ZNF326: variants seen among roughly 807,000 people sequenced by gnomAD.
ZNF326 encodes DBIRD complex subunit ZNF326.
ZNF326 carries 30 observed loss-of-function variants against 63.1 expected under a neutral mutation model. The ratio of observed to expected loss-of-function variants is 0.48; its 90% CI spans 0.36 to 0.64. The LOEUF (loss-of-function observed/expected upper bound fraction) is 0.64, where lower values mean the gene tolerates loss of function less well. Ranked by LOEUF, ZNF326 falls within the 30% of genes least tolerant of loss-of-function variation. The probability of loss-of-function intolerance (pLI) is 0.00; values close to 1 mark genes in which losing one functional copy is unlikely to be tolerated. For missense variants in ZNF326, 609 were observed against 720.3 expected, an observed-to-expected ratio of 0.85 and a Z score of 1.77; for synonymous variants, 194 against 228.2, an observed-to-expected ratio of 0.85 and a Z score of 1.35.
At chr1:89,995,318 G>T in intron 1 of ZNF326, 45 bp downstream of exon 1, 5 of 1,531,346 alleles carry the variant, frequency 3.3e-6, no homozygotes, top group Non-Finnish European at 4.4e-6. Context: ...CAGGAGGCGG[G>T]GTGGCCTACG....
chr1:90,033,267 A>G lies in ZNF326; in HGVS notation c.*5566A>G, dbSNP rs1390044899. ...CTTAAAGCCTACCCTTTATATAAAAAGTTTGTTGACTCCTAGGCTCTCATT... is the reference window on the plus strand; with the variant it reads ...CTTAAAGCCTACCCTTTATATAAAAGGTTTGTTGACTCCTAGGCTCTCATT... On this transcript the variant is annotated 3_prime_UTR_variant, in exon 12 of 12. Coordinates refer to ENST00000340281, the MANE Select transcript of ZNF326 (RefSeq NM_182976.4). The G allele has an allele frequency of 6.6e-6, 1 of 152,180 alleles. No individual in the cohort carries two copies. The highest frequency in any genetic ancestry group is 1.5e-5 in the Non-Finnish European group (1 of 68,028). The allele number at this position is 152,180 out of a possible 1,614,324, so 9.4% of individuals were successfully genotyped here.
intron 8 of ZNF326, among the ~76,000 whole-genome samples, chr1:90,018,227 G>A (rs376926545): frequency 2.0e-5 from 3 of 151,802 alleles, no homozygotes; most frequent in African/African-American, 7.3e-5. Context: ...GGGAGGCAGA[G>A]GTTGCAGTGA....
intron 2 of ZNF326, among the ~76,000 whole-genome samples, chr1:90,003,497 A>G (rs968423240): frequency 2.0e-5 from 3 of 152,164 alleles, no homozygotes; most frequent in Non-Finnish European, 4.4e-5. Context: ...TGAGGCCACA[A>G]ATGGCAGAGT....
chr1:90,005,419 C>T, intron 4 of ZNF326, 175 bp downstream of exon 4: 3 of 1,338,058 alleles, frequency 2.2e-6, no homozygotes, highest in South Asian at 4.4e-5. Flanking sequence ...ATCAGTATTA[C>T]TGGCAGACGT....
chr1:90,028,586 CAA>C lies in ZNF326; in HGVS notation c.*886_*887del, dbSNP rs530799139. The C allele has an allele frequency of 2.0e-5, 3 of 152,188 alleles. No individual in the cohort carries two copies. In the South Asian group the frequency reaches 6.2e-4, roughly 32 times the overall value. 9.4% of individuals were successfully genotyped at this position (152,188 alleles called of 1,614,324 possible). On this transcript the variant is annotated 3_prime_UTR_variant, in exon 12 of 12. Transcript: ENST00000340281. ...TCATGTCTGTTTTTGGCTGAAGAAC[CAA>C]GAAGCAGACTTTTCTTTTAAAAGAA...
intron 8 of ZNF326, 82 bp downstream of exon 8, chr1:90,017,546 A>C: frequency 3.5e-5 from 45 of 1,281,414 alleles, no homozygotes; most frequent in Middle Eastern, 2.5e-4. Context: ...CCCATCTCTC[A>C]CATTTATGTT....
chr1:89,995,211 A>C lies in ZNF326; in HGVS notation c.-47A>C, dbSNP rs775748875. On this transcript the variant is annotated 5_prime_UTR_variant, in exon 1 of 12. Transcript: ENST00000340281. ...GGGTCGCGGACGCTCGCCGCCGGCCATAGCTCAGCCTAGCGCCGCCAAGGC... is the reference window on the plus strand; with the variant it reads ...GGGTCGCGGACGCTCGCCGCCGGCCCTAGCTCAGCCTAGCGCCGCCAAGGC... 2.0e-6 allele frequency: 3 copies of C among 1,533,348 alleles called. No homozygotes were observed. The highest frequency in any genetic ancestry group is 1.7e-6 in the Non-Finnish European group (2 of 1,143,016). 95.0% of individuals were successfully genotyped at this position (1,533,348 alleles called of 1,614,324 possible).
chr1:90,010,464 C>A (rs1490692908), intron 6 of ZNF326, among the ~76,000 whole-genome samples, 178 bp downstream of exon 6: 2 of 152,096 alleles, frequency 1.3e-5, no homozygotes. Flanking sequence ...CCCAAAGATA[C>A]TTTTAAAATG....
Position 89,995,206 on chromosome 1 carries a change from C to G in ZNF326, c.-52C>G, listed in dbSNP as rs1648282037. ...ATCGCGGGTCGCGGACGCTCGCCGCCGGCCATAGCTCAGCCTAGCGCCGCC... is the reference window on the plus strand; with the variant it reads ...ATCGCGGGTCGCGGACGCTCGCCGCGGGCCATAGCTCAGCCTAGCGCCGCC... On this transcript the variant is annotated 5_prime_UTR_variant, in exon 1 of 12. Coordinates refer to ENST00000340281, the MANE Select transcript of ZNF326 (RefSeq NM_182976.4). The G allele has an allele frequency of 3.9e-6, 6 of 1,528,452 alleles. No homozygotes were observed. Among genetic ancestry groups the G allele is most frequent in the Non-Finnish European group, 5.3e-6 (6 of 1,140,774 alleles). 94.7% of individuals were successfully genotyped at this position (1,528,452 alleles called of 1,614,324 possible).
intron 7 of ZNF326, among the ~76,000 whole-genome samples, chr1:90,013,989 C>T (rs917743627): frequency 9.2e-5 from 14 of 151,720 alleles, no homozygotes; most frequent in African/African-American, 3.1e-4. Flanking sequence ...GGCGTGAACC[C>T]GGGAGTCGGA....
At chr1:90,013,080 A>G in intron 6 of ZNF326, 46 bp from the exon 7 acceptor site, 1 of 1,497,088 alleles carries the variant, frequency 6.7e-7, no homozygotes, top group Non-Finnish European at 9.1e-7. Flanking sequence ...GAAAGAGAGA[A>G]TGGAAAAATG....
At chr1:90,005,423 C>A in intron 4 of ZNF326, 179 bp downstream of exon 4, 3 of 1,328,028 alleles carry the variant, frequency 2.3e-6, no homozygotes, top group Non-Finnish European at 2.9e-6. Context: ...GTATTACTGG[C>A]AGACGTTATT....
Position 89,998,094 on chromosome 1 carries a change from A to G in ZNF326, c.17-16A>G. 2 of 1,608,782 alleles carry G rather than the reference A, an allele frequency of 1.2e-6. No individual in the cohort carries two copies. On this transcript the variant is annotated splice_polypyrimidine_tract_variant and intron_variant, in intron 1 of 11. Transcript: ENST00000340281. The stretch of plus-strand genomic sequence containing the variant: ...AATATCACACTAATTCCTTTTTGTT[A>G]AATGTGTCTTCATAGATTACACACA...
chr1:90,027,821 A>C lies in ZNF326; in HGVS notation c.*120A>C. The C allele has an allele frequency of 1.1e-6, 1 of 879,088 alleles. No individual in the cohort carries two copies. The highest frequency in any genetic ancestry group is 1.7e-6 in the Non-Finnish European group (1 of 588,742). The allele number at this position is 879,088 out of a possible 1,614,324, so 54.5% of individuals were successfully genotyped here. On this transcript the variant is annotated 3_prime_UTR_variant, in exon 12 of 12. Coordinates refer to ENST00000340281, the MANE Select transcript of ZNF326 (RefSeq NM_182976.4). The stretch of plus-strand genomic sequence containing the variant: ...ATGTTGCATGCATTCCACATATTAA[A>C]ATTTGTTTTATATAATTTCTAAATG...
At chr1:90,003,058 A>G (rs1648767460) in intron 2 of ZNF326, among the ~76,000 whole-genome samples, 1 of 152,198 alleles carries the variant, frequency 6.6e-6, no homozygotes, top group Non-Finnish European at 1.5e-5. Context: ...GTTCACTTGA[A>G]AGCATGAATT....
intron 11 of ZNF326, among the ~76,000 whole-genome samples, chr1:90,022,877 A>G (rs1249480217): frequency 6.6e-6 from 1 of 152,172 alleles, no homozygotes; most frequent in Admixed American, 6.5e-5. Flanking sequence ...TTCCAAGCAT[A>G]CTAATTGCAT....
chr1:90,012,992 AT>A, intron 6 of ZNF326, 133 bp from the exon 7 acceptor site: 7 of 615,202 alleles, frequency 1.1e-5, no homozygotes, highest in Non-Finnish European at 1.8e-5. Flanking sequence ...TCAAACTCCG[AT>A]TTTTTTGGTG....
chr1:90,003,954 T>C (rs1205449875), intron 2 of ZNF326, among the ~76,000 whole-genome samples: 1 of 152,158 alleles, frequency 6.6e-6, no homozygotes, highest in Non-Finnish European at 1.5e-5. Flanking sequence ...AATTAAGATA[T>C]TTACTCTGTG....
chr1:90,015,330 G>A (rs1189794461), intron 7 of ZNF326, among the ~76,000 whole-genome samples: 3 of 152,168 alleles, frequency 2.0e-5, no homozygotes, highest in Non-Finnish European at 2.9e-5. Context: ...AAATAATAGT[G>A]TATGGTGAAG....
Sources: gnomAD v4.1 joint callset for allele counts (sites outside exome capture counted in the v4.1 genomes callset) on GRCh38, gnomAD v4.1.1 for gene constraint, MANE v1.5 for transcripts, NCBI Gene and HGNC (gene_info 2026-07-23, HGNC 2026-07-21) for gene names.